DPYD: variants seen among roughly 807,000 people sequenced by gnomAD.
DPYD encodes dihydropyrimidine dehydrogenase [NADP(+)].
A neutral mutation model predicts 116.2 loss-of-function variants in DPYD; 109 were observed. The ratio of observed to expected loss-of-function variants is 0.94; its 90% CI spans 0.80 to 1.10. DPYD has a LOEUF of 1.10. Among genes scored for constraint, DPYD ranks in the 50% least tolerant of loss-of-function variants. The pLI is 0.00. For synonymous variants in DPYD, 440 were observed against 432.0 expected, an observed-to-expected ratio of 1.02 and a Z score of -0.23; for missense variants, 1,302 against 1,254.5, an observed-to-expected ratio of 1.04 and a Z score of -0.57.
rs369532432 is a variant in DPYD, at chr1:97,640,312, A to G, written c.850+38783T>C. On this transcript the variant is annotated intron_variant, in intron 8 of 22. Transcript: ENST00000370192. ...TTACAAATTTCTTTTATTTTCTTTT[A>G]TTTTTATTTATTTTTTATTTTTGAC... Among the ~76,000 whole-genome samples, 8 of 151,088 alleles carry G rather than the reference A, an allele frequency of 5.3e-5. No homozygotes were observed. In the East Asian group the frequency reaches 9.8e-4, roughly 18 times the overall value.
In DPYD at chr1:97,376,885, G is replaced by GTA. The variant is rs879914049; in HGVS notation, c.1975-3242_1975-3241insTA. 7.4e-3 allele frequency among the ~76,000 whole-genome samples: 772 copies of GTA among 105,024 alleles called. 7 individuals carry two copies. Among genetic ancestry groups the GTA allele is most frequent in the African/African-American group, 0.014 (403 of 28,340 alleles). 68.9% of individuals were successfully genotyped at this position (105,024 alleles called of 152,430 possible). ...AGAGTTTGTGTGTGTGTGTGTGTGTGTGTATATATATATATATGGTGTGGA... is the reference window on the plus strand; with the variant it reads ...AGAGTTTGTGTGTGTGTGTGTGTGTGTATGTATATATATATATATGGTGTGGA... On this transcript the variant is annotated intron_variant, in intron 15 of 22. Transcript: ENST00000370192.
chr1:97,860,862 C>T (rs952750852), intron 2 of DPYD, among the ~76,000 whole-genome samples: 3 of 151,178 alleles, frequency 2.0e-5, no homozygotes, highest in Admixed American at 6.6e-5. Context: ...TCCTCTCAAA[C>T]GATAAAAAGC....
chr1:97,180,246 T>C (rs920718887), intron 20 of DPYD, among the ~76,000 whole-genome samples: 3 of 152,150 alleles, frequency 2.0e-5, no homozygotes, highest in Non-Finnish European at 2.9e-5. Flanking sequence ...CTGTTGACTC[T>C]TTACATTATC....
chr1:97,195,522 GAGAGA>G, intron 19 of DPYD, among the ~76,000 whole-genome samples: 2 of 8,672 alleles, frequency 2.3e-4, no homozygotes, highest in African/African-American at 9.2e-4. Context: ...GGGATAAGGA[GAGAGA>G]GAGAGAGAGA....
chr1:97,672,894 T>C (rs1659946120), intron 8 of DPYD, among the ~76,000 whole-genome samples: 1 of 151,992 alleles, frequency 6.6e-6, no homozygotes, highest in Non-Finnish European at 1.5e-5. Context: ...TATTTGGGAA[T>C]CTTCACATTT....
At chr1:97,565,500 C>T (rs1180087065) in intron 11 of DPYD, among the ~76,000 whole-genome samples, 1 of 152,098 alleles carries the variant, frequency 6.6e-6, no homozygotes, top group East Asian at 1.9e-4. Flanking sequence ...TGCTCCCTAC[C>T]CTTATGTAAC....
At chr1:97,377,240 TAC>T (rs1028387067) in intron 15 of DPYD, among the ~76,000 whole-genome samples, 1 of 152,062 alleles carries the variant, frequency 6.6e-6, no homozygotes, top group Non-Finnish European at 1.5e-5. Flanking sequence ...GTTTATTTTT[TAC>T]AGTTTTAAGT....
At chr1:97,513,733 C>A (rs918741163) in intron 13 of DPYD, among the ~76,000 whole-genome samples, 9 of 151,606 alleles carry the variant, frequency 5.9e-5, no homozygotes, top group African/African-American at 2.2e-4. Context: ...GAGTTGTATA[C>A]TACCAACATT....
At chr1:97,248,683 CA>C (rs1472367372) in intron 18 of DPYD, among the ~76,000 whole-genome samples, 1 of 152,078 alleles carries the variant, frequency 6.6e-6, no homozygotes, top group East Asian at 1.9e-4. Flanking sequence ...GTAAGCAAAA[CA>C]AGGGTGAGAC....
intron 13 of DPYD, among the ~76,000 whole-genome samples, chr1:97,498,990 A>C (rs1014302631): frequency 1.3e-5 from 2 of 151,622 alleles, no homozygotes; most frequent in African/African-American, 4.8e-5. Context: ...TCTACTTGGT[A>C]TTTCTTTTAT....
At chr1:97,539,274 T>A (rs1228181860) in intron 12 of DPYD, among the ~76,000 whole-genome samples, 1 of 152,142 alleles carries the variant, frequency 6.6e-6, no homozygotes, top group Non-Finnish European at 1.5e-5. Flanking sequence ...TTAAATTTAA[T>A]GCCCTGACGC....
At chr1:97,531,143 G>A (rs1649596521) in intron 12 of DPYD, among the ~76,000 whole-genome samples, 1 of 151,958 alleles carries the variant, frequency 6.6e-6, no homozygotes, top group South Asian at 2.1e-4. Context: ...ATCTCCTTTT[G>A]CTTTTGTTGA....
At chr1:97,274,929 A>G (rs1030784464) in intron 18 of DPYD, among the ~76,000 whole-genome samples, 2 of 152,198 alleles carry the variant, frequency 1.3e-5, no homozygotes, top group Non-Finnish European at 2.9e-5. Context: ...CACAGGATGC[A>G]TAAGATGCAT....
chr1:97,632,579 A>G (rs192732997), intron 8 of DPYD, among the ~76,000 whole-genome samples: 2 of 152,276 alleles, frequency 1.3e-5, no homozygotes. Flanking sequence ...ATACATGTAC[A>G]TTGCTATTCA....
intron 5 of DPYD, 135 bp from the exon 6 acceptor site, chr1:97,699,682 T>TA (rs1661488834): frequency 2.4e-6 from 2 of 851,010 alleles, no homozygotes; most frequent in South Asian, 3.3e-5. Context: ...ATGGTATACT[T>TA]ACAACTTTTA....
intron 20 of DPYD, among the ~76,000 whole-genome samples, chr1:97,179,139 A>G (rs1490539890): frequency 6.6e-6 from 1 of 152,212 alleles, no homozygotes; most frequent in African/African-American, 2.4e-5. Context: ...AGCGAGCACT[A>G]GCAATATCTA....
chr1:97,519,122 A>G (rs938352901), intron 12 of DPYD, among the ~76,000 whole-genome samples: 1 of 152,142 alleles, frequency 6.6e-6, no homozygotes. Context: ...AAACTAAAAC[A>G]ATTTTTAAAA....
intron 14 of DPYD, among the ~76,000 whole-genome samples, chr1:97,445,970 G>T (rs929418560): frequency 2.0e-5 from 3 of 152,046 alleles, no homozygotes; most frequent in Non-Finnish European, 2.9e-5. Context: ...CAAGTGATCT[G>T]CCTGCTTTGG....
intron 14 of DPYD, among the ~76,000 whole-genome samples, chr1:97,435,486 G>T (rs1675420897): frequency 1.3e-5 from 2 of 151,910 alleles, no homozygotes; most frequent in South Asian, 2.1e-4. Context: ...GGTTTGCCTG[G>T]TGATTAAGCT....
Sources: allele counts gnomAD v4.1 joint callset (sites outside exome capture counted in the v4.1 genomes callset), GRCh38; gene constraint gnomAD v4.1.1; transcripts MANE v1.5; gene names NCBI Gene and HGNC (gene_info 2026-07-23, HGNC 2026-07-21).